PPP1R14C: variants seen among roughly 807,000 people sequenced by gnomAD.
PPP1R14C encodes the protein protein phosphatase 1 regulatory inhibitor subunit 14C.
PPP1R14C carries 16 observed loss-of-function variants against 20.4 expected under a neutral mutation model. The ratio of observed to expected loss-of-function variants is 0.78; its 90% CI spans 0.53 to 1.19. The LOEUF (loss-of-function observed/expected upper bound fraction) is 1.19. PPP1R14C is among the 50% of genes most tolerant of loss of function. PPP1R14C has a pLI of 0.00. For synonymous variants in PPP1R14C, 91 were observed against 91.0 expected (o/e 1.00, Z 0.00); for missense variants, 211 against 220.1 (o/e 0.96, Z 0.26).
rs189491565 is a variant in PPP1R14C, at chr6:150,226,925, A to G, written c.423+10069A>G. On this transcript the variant is annotated intron_variant, in intron 3 of 3. Coordinates refer to ENST00000361131, the MANE Select transcript of PPP1R14C (RefSeq NM_030949.3). ...AAAGCCATGTGTGATCTGGTTTGTGAGTAGAAATCGAGCAGTGTTTTCTAA... is the reference window on the plus strand; with the variant it reads ...AAAGCCATGTGTGATCTGGTTTGTGGGTAGAAATCGAGCAGTGTTTTCTAA... 2.6e-5 allele frequency among the ~76,000 whole-genome samples: 4 copies of G among 152,270 alleles called. No homozygotes were observed. In the East Asian group the frequency reaches 5.8e-4, roughly 22 times the overall value.
rs541744785 is a variant in PPP1R14C at position 150,162,386 on chromosome 6, C to G, written c.306+18888C>G. Among the ~76,000 whole-genome samples the G allele has an allele frequency of 3.9e-5, 6 of 152,290 alleles. No individual in the cohort carries two copies. The South Asian group carries it at 1.0e-3, about 26-fold the overall frequency. ...TGCCATTTCTTCCTGAACCACTGAT[C>G]TCTTTCCTATTGCTATCGTTTTGCC... On this transcript the variant is annotated intron_variant, in intron 1 of 3. Transcript: ENST00000361131.
intron 1 of PPP1R14C, among the ~76,000 whole-genome samples, chr6:150,157,451 A>G (rs1416084436): frequency 3.3e-5 from 5 of 151,194 alleles, no homozygotes; most frequent in Non-Finnish European, 7.3e-5. Flanking sequence ...AGAGATGCCT[A>G]CTGGTTATAC....
At chr6:150,233,380 A>C (rs572769700) in intron 3 of PPP1R14C, among the ~76,000 whole-genome samples, 14 of 152,306 alleles carry the variant, frequency 9.2e-5, no homozygotes, top group African/African-American at 3.4e-4. Flanking sequence ...ATTGATATAC[A>C]CGAGAGTTAA....
chr6:150,161,943 C>G (rs1278439233), intron 1 of PPP1R14C, among the ~76,000 whole-genome samples: 1 of 152,196 alleles, frequency 6.6e-6, no homozygotes, highest in East Asian at 1.9e-4. Flanking sequence ...TGGACTTTAA[C>G]AAATGCAGAG....
Position 150,169,541 on chromosome 6 carries a change from T to C in PPP1R14C, c.306+26043T>C, listed in dbSNP as rs575409823. 5.7e-4 allele frequency among the ~76,000 whole-genome samples: 87 copies of C among 152,344 alleles called. 1 individual carries two copies. The South Asian group carries it at 8.9e-3, about 16-fold the overall frequency. On this transcript the variant is annotated intron_variant, in intron 1 of 3. Coordinates refer to ENST00000361131, the MANE Select transcript of PPP1R14C (RefSeq NM_030949.3). The stretch of plus-strand genomic sequence containing the variant: ...AACTGCTGTTAAAAGGTTGTCGTTG[T>C]TGTTAGATGCTGCTAAACCCAATGG...
At chr6:150,200,726 C>T (rs922758585) in intron 1 of PPP1R14C, among the ~76,000 whole-genome samples, 1 of 152,198 alleles carries the variant, frequency 6.6e-6, no homozygotes, top group African/African-American at 2.4e-5. Flanking sequence ...ACATGTTCTC[C>T]AGAAATGGCT....
At chr6:150,208,104 C>T (rs1777976582) in intron 1 of PPP1R14C, among the ~76,000 whole-genome samples, 2 of 152,322 alleles carry the variant, frequency 1.3e-5, no homozygotes, top group South Asian at 4.1e-4. Flanking sequence ...GGTGTGCCCC[C>T]ATGACCTAAT....
Position 150,214,914 on chromosome 6 carries a change from C to T in PPP1R14C, c.390+87C>T, listed in dbSNP as rs368014631. 2.5e-4 allele frequency: 230 copies of T among 930,278 alleles called. 4 individuals are homozygous for T. Among genetic ancestry groups the T allele is most frequent in the South Asian group, 2.3e-3 (151 of 65,152 alleles). The allele number at this position is 930,278 out of a possible 1,614,324, so 57.6% of individuals were successfully genotyped here. On this transcript the variant is annotated intron_variant, in intron 2 of 3. Coordinates refer to ENST00000361131, the MANE Select transcript of PPP1R14C (RefSeq NM_030949.3). ...TTCAGTGCTTGGCATCAACTGATTC[C>T]GCCCTGTGGTGGTGTTGGCACCAGG... is the stretch of plus-strand genomic sequence containing the variant.
chr6:150,243,129 A>C (rs1778451414), intron 3 of PPP1R14C, among the ~76,000 whole-genome samples: 1 of 151,766 alleles, frequency 6.6e-6, no homozygotes, highest in Admixed American at 6.5e-5. Flanking sequence ...AGGCAATCTC[A>C]GTCAAAACCC....
chr6:150,201,916 G>A lies in PPP1R14C; in HGVS notation c.307-12828G>A, dbSNP rs1225062843. Among the ~76,000 whole-genome samples, 2 of 152,140 alleles carry A rather than the reference G, an allele frequency of 1.3e-5. No individual in the cohort carries two copies. The highest frequency in any genetic ancestry group is 4.8e-5 in the African/African-American group (2 of 41,438). ...GAAGTATTCCATGAACCGTCACATT[G>A]CCTGCATAAACATGCATTACAGGTA... On this transcript the variant is annotated intron_variant, in intron 1 of 3. Transcript: ENST00000361131. This position sits in a 1 kb window ranked among gnomAD's most constrained non-coding sequence, Gnocchi z 4.2.
At chr6:150,176,065 T>A (rs1032299760) in intron 1 of PPP1R14C, among the ~76,000 whole-genome samples, 1 of 152,244 alleles carries the variant, frequency 6.6e-6, no homozygotes, top group Non-Finnish European at 1.5e-5. Flanking sequence ...TTGTGTTATT[T>A]TCCCTTTCTT....
At position 150,239,990 on chromosome 6, in the gene PPP1R14C, G is replaced by A. The variant is rs559464225; in HGVS notation, c.424-8756G>A. Among the ~76,000 whole-genome samples, 341 of 152,202 alleles carry A rather than the reference G, an allele frequency of 2.2e-3. 3 individuals are homozygous for A. Among genetic ancestry groups the A allele is most frequent in the Non-Finnish European group, 5.4e-4 (37 of 68,006 alleles). On this transcript the variant is annotated intron_variant, in intron 3 of 3. Coordinates refer to ENST00000361131, the MANE Select transcript of PPP1R14C (RefSeq NM_030949.3). ...AATCACTTGAACCTGGGAGGTGAAG[G>A]TTGCAGTGAGCCGAGATTGTGCCAC... is the stretch of plus-strand genomic sequence containing the variant.
At chr6:150,192,639 A>AC (rs1429972556) in intron 1 of PPP1R14C, among the ~76,000 whole-genome samples, 8 of 151,958 alleles carry the variant, frequency 5.3e-5, no homozygotes, top group Admixed American at 2.6e-4. Context: ...GCCACAAAAC[A>AC]CCCCCCAAAT....
chr6:150,153,401 G>A (rs969618901), intron 1 of PPP1R14C, among the ~76,000 whole-genome samples: 3 of 152,212 alleles, frequency 2.0e-5, no homozygotes, highest in African/African-American at 7.2e-5. Flanking sequence ...ACAGATGTAT[G>A]GGGTAATGAA....
Position 150,236,318 on chromosome 6 carries a change from G to A in PPP1R14C, c.424-12428G>A, listed in dbSNP as rs148355045. Among the ~76,000 whole-genome samples, 15 of 150,784 alleles carry A rather than the reference G, an allele frequency of 9.9e-5. No individual in the cohort carries two copies. The East Asian group carries it at 2.1e-3, about 21-fold the overall frequency. On this transcript the variant is annotated intron_variant, in intron 3 of 3. Coordinates refer to ENST00000361131, the MANE Select transcript of PPP1R14C (RefSeq NM_030949.3). Reference sequence around the variant, plus strand: ...AGTCCCTGACAGATACTCAGTACCCGCGAGAGCACGGTACTGTGCCAAGCA... The same window carrying A: ...AGTCCCTGACAGATACTCAGTACCCACGAGAGCACGGTACTGTGCCAAGCA...
intron 3 of PPP1R14C, among the ~76,000 whole-genome samples, chr6:150,219,269 C>T (rs1008975191): frequency 2.0e-5 from 3 of 152,018 alleles, no homozygotes; most frequent in Non-Finnish European, 2.9e-5. Context: ...CGCTCTGTCA[C>T]CTAGGCTGGA....
chr6:150,222,924 A>G (rs562299615), intron 3 of PPP1R14C, among the ~76,000 whole-genome samples: 1 of 151,770 alleles, frequency 6.6e-6, no homozygotes, highest in East Asian at 1.9e-4. Context: ...GCGTGCCACC[A>G]CACCCGGCTA....
chr6:150,222,852 A>G (rs1324287563), intron 3 of PPP1R14C, among the ~76,000 whole-genome samples: 1 of 133,806 alleles, frequency 7.5e-6, no homozygotes, highest in African/African-American at 3.0e-5. Context: ...GCTCACTGCA[A>G]CCTCTGCCTT....
intron 3 of PPP1R14C, among the ~76,000 whole-genome samples, chr6:150,234,448 T>C (rs551316145): frequency 6.6e-6 from 1 of 152,356 alleles, no homozygotes; most frequent in African/African-American, 2.4e-5. Flanking sequence ...TGCAATTTAT[T>C]CGTAACAACT....
Sources: allele counts gnomAD v4.1 joint callset (sites outside exome capture counted in the v4.1 genomes callset), GRCh38; gene constraint gnomAD v4.1.1; non-coding constraint Gnocchi (gnomAD v3.1); transcripts MANE v1.5; gene names NCBI Gene and HGNC (gene_info 2026-07-23, HGNC 2026-07-21).